Variants in ADAMTS19 observed in about 807,000 individuals in gnomAD.
ADAMTS19 encodes the protein ADAM metallopeptidase with thrombospondin type 1 motif 19, also known as A disintegrin and metalloproteinase with thrombospondin motifs 19.
Under a neutral mutation model 153.3 loss-of-function variants are expected in ADAMTS19, and 93 were observed. The ratio of observed to expected loss-of-function variants is 0.61; its 90% confidence interval spans 0.51 to 0.72. ADAMTS19 has a LOEUF of 0.72. Ranked by LOEUF, ADAMTS19 falls within the 30% of genes least tolerant of loss-of-function variation. ADAMTS19 has a pLI of 0.00. For missense variants in ADAMTS19, 1,482 were observed against 1,552.1 expected (o/e 0.95, Z 0.76); for synonymous variants, 600 against 556.6 (o/e 1.08, Z -1.10).
intron 10 of ADAMTS19, among the ~76,000 whole-genome samples, chr5:129,638,386 A>G (rs1412122636): frequency 2.6e-5 from 4 of 151,872 alleles, no homozygotes; most frequent in Non-Finnish European, 5.9e-5. Flanking sequence ...TATAATGTCT[A>G]TTTTCTGTTT....
intron 7 of ADAMTS19, among the ~76,000 whole-genome samples, chr5:129,594,632 A>T (rs72790629): frequency 0.019 from 2,938 of 152,130 alleles, 41 homozygotes; most frequent in East Asian, 0.034. Context: ...AAAATTAATT[A>T]TCTCAAAATC....
At chr5:129,622,406 T>A in intron 10 of ADAMTS19, 58 bp downstream of exon 10, 1 of 1,576,106 alleles carries the variant, frequency 6.3e-7, no homozygotes, top group South Asian at 1.1e-5. Flanking sequence ...TATTGATTGG[T>A]AGGAGAAGGT....
At chr5:129,490,366 T>C (rs1479692344) in intron 2 of ADAMTS19, among the ~76,000 whole-genome samples, 1 of 152,212 alleles carries the variant, frequency 6.6e-6, no homozygotes, top group Non-Finnish European at 1.5e-5. Context: ...CTTGTTTTCC[T>C]ATAACCTCCA....
At chr5:129,495,658 A>G (rs146070008) in intron 2 of ADAMTS19, among the ~76,000 whole-genome samples, 1 of 152,240 alleles carries the variant, frequency 6.6e-6, no homozygotes, top group Non-Finnish European at 1.5e-5. Flanking sequence ...TTAAATATTT[A>G]TCAGTAACAT....
At chr5:129,727,017 T>C (rs2127211692) in intron 21 of ADAMTS19, among the ~76,000 whole-genome samples, 1 of 152,274 alleles carries the variant, frequency 6.6e-6, no homozygotes, top group East Asian at 1.9e-4. Flanking sequence ...GCTCAGTAAA[T>C]ATTTGTTGAA....
chr5:129,708,369 ATCTT>A (rs1486057892), intron 21 of ADAMTS19, among the ~76,000 whole-genome samples: 1 of 152,104 alleles, frequency 6.6e-6, no homozygotes, highest in Non-Finnish European at 1.5e-5. Context: ...TGTTCTTCGG[ATCTT>A]TCTTGGGAGA....
At chr5:129,583,751 T>C (rs1179155738) in intron 7 of ADAMTS19, among the ~76,000 whole-genome samples, 2 of 151,910 alleles carry the variant, frequency 1.3e-5, no homozygotes, top group Non-Finnish European at 2.9e-5. Context: ...GCTGTGTTTT[T>C]CAGCTCCATC....
chr5:129,608,116 G>GTATATATATATA (rs1554098182), intron 8 of ADAMTS19, among the ~76,000 whole-genome samples: 1,229 of 47,884 alleles, frequency 0.026, 91 homozygotes, highest in South Asian at 0.052. Flanking sequence ...GTGTGTGTGT[G>GTATATATATATA]TATATATATA....
intron 2 of ADAMTS19, among the ~76,000 whole-genome samples, chr5:129,489,798 G>C (rs1428260885): frequency 6.6e-6 from 1 of 152,038 alleles, no homozygotes; most frequent in East Asian, 1.9e-4. Flanking sequence ...GTAACCTTAA[G>C]CAATTTGCTT....
Position 129,692,872 on chromosome 5 carries a change from C to A in ADAMTS19, c.2819-1848C>A, listed in dbSNP as rs538966285. ...CCATAGGGTACTGGTAGGAGGCACA[C>A]CTCATTCCACTCAAAGGAAAGGGCC... On this transcript the variant is annotated intron_variant, in intron 18 of 22. Coordinates refer to ENST00000274487, the MANE Select transcript of ADAMTS19 (RefSeq NM_133638.6). Among the ~76,000 whole-genome samples, 3 of 152,284 alleles carry A rather than the reference C, an allele frequency of 2.0e-5. No individual in the cohort carries two copies. In the East Asian group the frequency reaches 5.8e-4, roughly 29 times the overall value.
chr5:129,654,340 A>T lies in ADAMTS19; in HGVS notation c.2211A>T (p.Gly737=), dbSNP rs927376772. ...KPCALFCSPV[G]KEQPILLSEK... ...GTGCCTTGTTTTGCTCTCCTGTTGG[A>T]AAAGAACAGCCTATTCTTCTATCAG... The change falls in exon 14 of 23, where the codon GGA becomes GGT. Residue 737 remains glycine (G), a synonymous_variant. Coordinates refer to ENST00000274487, the MANE Select transcript of ADAMTS19 (RefSeq NM_133638.6). 6.2e-7 allele frequency: 1 copy of T among 1,612,708 alleles called. No homozygotes were observed. Among genetic ancestry groups the T allele is most frequent in the African/African-American group, 1.3e-5 (1 of 74,846 alleles).
At position 129,654,443 on chromosome 5, in the gene ADAMTS19, T is replaced by A; in HGVS notation, c.2304+10T>A. ...AAATGGCAGGTGCCAGGTAAGACATTCCAAAAAAAAAAAGAATTTATATGT... is the reference window on the plus strand; with the variant it reads ...AAATGGCAGGTGCCAGGTAAGACATACCAAAAAAAAAAAGAATTTATATGT... On this transcript the variant is annotated intron_variant, in intron 14 of 22. Coordinates refer to ENST00000274487, the MANE Select transcript of ADAMTS19 (RefSeq NM_133638.6). 1.3e-6 allele frequency: 2 copies of A among 1,589,416 alleles called. No homozygotes were observed. Among genetic ancestry groups the A allele is most frequent in the Admixed American group, 1.9e-5 (1 of 53,012 alleles).
chr5:129,654,556 C>A, intron 14 of ADAMTS19, 123 bp downstream of exon 14: 1 of 1,095,276 alleles, frequency 9.1e-7, no homozygotes, highest in Non-Finnish European at 1.3e-6. Flanking sequence ...TATAGTCCTG[C>A]CTTGACTGTG....
intron 21 of ADAMTS19, among the ~76,000 whole-genome samples, chr5:129,709,909 T>A (rs1039606982): frequency 1.3e-5 from 2 of 152,176 alleles, no homozygotes; most frequent in Admixed American, 6.5e-5. Flanking sequence ...CTCAGTAAAT[T>A]AATAGGCTGT....
chr5:129,603,462 C>T (rs570865131), intron 8 of ADAMTS19, among the ~76,000 whole-genome samples: 1 of 152,226 alleles, frequency 6.6e-6, no homozygotes, highest in East Asian at 1.9e-4. Flanking sequence ...TTTATATACA[C>T]ACATACAACG....
At chr5:129,668,084 A>T (rs919621576) in intron 16 of ADAMTS19, among the ~76,000 whole-genome samples, 1 of 152,194 alleles carries the variant, frequency 6.6e-6, no homozygotes, top group Non-Finnish European at 1.5e-5. Context: ...CTCTAGGAGA[A>T]CATCCATTCC....
At chr5:129,649,676 G>A (rs1463511260) in intron 13 of ADAMTS19, among the ~76,000 whole-genome samples, 29 of 152,100 alleles carry the variant, frequency 1.9e-4, no homozygotes, top group Admixed American at 1.9e-3. Flanking sequence ...ATCTACAAAT[G>A]TGATAAAATG....
At chr5:129,514,587 C>T (rs1751539141) in intron 3 of ADAMTS19, among the ~76,000 whole-genome samples, 2 of 152,180 alleles carry the variant, frequency 1.3e-5, no homozygotes. Flanking sequence ...TGTATGTCTT[C>T]TTTTGAGAAA....
intron 15 of ADAMTS19, among the ~76,000 whole-genome samples, chr5:129,661,646 T>C (rs1293734726): frequency 2.6e-5 from 4 of 152,214 alleles, no homozygotes; most frequent in Admixed American, 2.6e-4. Flanking sequence ...GCGTTTTCTT[T>C]TTTTTCCTTA....
Sources: allele counts gnomAD v4.1 joint callset (sites outside exome capture counted in the v4.1 genomes callset), GRCh38; gene constraint gnomAD v4.1.1; transcripts MANE v1.5; gene names NCBI Gene and HGNC (gene_info 2026-07-23, HGNC 2026-07-21).